MARCHF11: variants seen among roughly 807,000 people sequenced by gnomAD.
MARCHF11 encodes E3 ubiquitin-protein ligase MARCHF11.
In MARCHF11, 29 loss-of-function variants were observed where a neutral mutation model predicts 37.3. The ratio of observed to expected loss-of-function variants is 0.78; its 90% confidence interval spans 0.58 to 1.06. MARCHF11 has a LOEUF of 1.06. MARCHF11 is among the 50% of genes least tolerant of loss of function. MARCHF11 has a pLI of 0.00. For missense variants in MARCHF11, 482 were observed against 533.4 expected, an observed-to-expected ratio of 0.90 and a Z score of 0.95; for synonymous variants, 233 against 228.0, an observed-to-expected ratio of 1.02 and a Z score of -0.20.
chr5:16,177,899 C>T lies in MARCHF11; in HGVS notation c.538-18G>A, dbSNP rs1738390318. Reference sequence around the variant, plus strand: ...AACTCACCCTAAAAAGAAAACAGCTCAGTGTGAATATCTGTGTCTGTGTCT... The same window carrying T: ...AACTCACCCTAAAAAGAAAACAGCTTAGTGTGAATATCTGTGTCTGTGTCT... On this transcript the variant is annotated intron_variant, in intron 1 of 3. Transcript: ENST00000332432. 3.8e-6 allele frequency: 6 copies of T among 1,598,830 alleles called. No homozygotes were observed. The East Asian group carries it at 1.3e-4, about 36-fold the overall frequency.
At chr5:16,072,584 G>T (rs554673089) in intron 3 of MARCHF11, among the ~76,000 whole-genome samples, 1 of 151,980 alleles carries the variant, frequency 6.6e-6, no homozygotes, top group East Asian at 1.9e-4. Context: ...GGACATAACA[G>T]GGAGATGGCA....
Position 16,179,104 on chromosome 5 carries a change from G to A in MARCHF11, c.472C>T (p.Arg158Cys), listed in dbSNP as rs1162957833. 4.0e-6 allele frequency: 6 copies of A among 1,493,746 alleles called. No homozygotes were observed. The highest frequency in any genetic ancestry group is 5.8e-5 in the East Asian group (2 of 34,684). 92.5% of individuals were successfully genotyped at this position (1,493,746 alleles called of 1,614,324 possible). A position where few individuals can be genotyped will look rare whatever the true frequency, so the allele number is the denominator to read the frequency against. Residue 158 changes from arginine (R) to cysteine (C), a missense_variant, in exon 1 of 4, where the codon CGC becomes TGC. Coordinates refer to ENST00000332432, the MANE Select transcript of MARCHF11 (RefSeq NM_001102562.3). ...RSSSSGGGDQ[R>C]AGHQHQHHQP... ...TGGTGCTGGTGCTGGTGCCCAGCGC[G>A]CTGGTCGCCGCCGCCACTGCTGCTG...
intron 3 of MARCHF11, among the ~76,000 whole-genome samples, chr5:16,077,042 G>A (rs1442631291): frequency 1.3e-5 from 2 of 152,188 alleles, no homozygotes; most frequent in Admixed American, 6.5e-5. Flanking sequence ...GATATAGGAG[G>A]ATTACGGCAA....
intron 2 of MARCHF11, among the ~76,000 whole-genome samples, chr5:16,101,922 AT>A (rs1186828436): frequency 2.0e-5 from 3 of 152,226 alleles, no homozygotes; most frequent in Non-Finnish European, 4.4e-5. Flanking sequence ...TAGCCCTTGC[AT>A]GAAATTTATG....
chr5:16,082,072 C>T lies in MARCHF11; in HGVS notation c.886+8817G>A, dbSNP rs373386770. Among the ~76,000 whole-genome samples, 49 of 152,282 alleles carry T rather than the reference C, an allele frequency of 3.2e-4. 1 individual carries two copies. The South Asian group carries it at 1.0e-2, about 31-fold the overall frequency. On this transcript the variant is annotated intron_variant, in intron 3 of 3. Transcript: ENST00000332432. Reference sequence around the variant, plus strand: ...TCCAGAGAAGAGAAAAAAATAATGGCCTACTTCTCAAAGCATATAAAGGAT... The same window carrying T: ...TCCAGAGAAGAGAAAAAAATAATGGTCTACTTCTCAAAGCATATAAAGGAT...
At chr5:16,073,964 A>G (rs1173887073) in intron 3 of MARCHF11, among the ~76,000 whole-genome samples, 1 of 152,226 alleles carries the variant, frequency 6.6e-6, no homozygotes, top group Admixed American at 6.5e-5. Context: ...TCATCAGCAC[A>G]TGAAACATTC....
rs568517548 is a variant in MARCHF11, at chr5:16,082,043, T to C, written c.886+8846A>G. Among the ~76,000 whole-genome samples, 7 of 152,110 alleles carry C rather than the reference T, an allele frequency of 4.6e-5. No homozygotes were observed. In the South Asian group the frequency reaches 1.0e-3, roughly 23 times the overall value. ...AAGGCATAGAAAAGCCCATAATTTG[T>C]ACCTCCAGAGAAGAGAAAAAAATAA... On this transcript the variant is annotated intron_variant, in intron 3 of 3. Transcript: ENST00000332432.
rs766952233 is a variant in MARCHF11, at chr5:16,179,259, G to A, written c.317C>T (p.Pro106Leu). ...VAAAGDSGEG[P>L]RRLPEAAAAK... ...TGCTGCCGCCTCCGGGAGGCGCCTCGGACCTTCCCCGGAGTCGCCGGCCGC... is the reference window on the plus strand; with the variant it reads ...TGCTGCCGCCTCCGGGAGGCGCCTCAGACCTTCCCCGGAGTCGCCGGCCGC... Residue 106 changes from proline (P) to leucine (L), a missense_variant, in exon 1 of 4, where the codon CCG (proline) becomes CTG (leucine). Coordinates refer to ENST00000332432, the MANE Select transcript of MARCHF11 (RefSeq NM_001102562.3). 44 of 1,333,460 alleles carry A rather than the reference G, an allele frequency of 3.3e-5. No homozygotes were observed. In the South Asian group the frequency reaches 7.6e-4, roughly 23 times the overall value. 82.6% of individuals were successfully genotyped at this position (1,333,460 alleles called of 1,614,324 possible). A position where few individuals can be genotyped will look rare whatever the true frequency, so the allele number is the denominator to read the frequency against.
At chr5:16,071,854 C>G (rs1050976016) in intron 3 of MARCHF11, among the ~76,000 whole-genome samples, 5 of 152,152 alleles carry the variant, frequency 3.3e-5, no homozygotes, top group African/African-American at 9.7e-5. Flanking sequence ...GTATCAAGAA[C>G]CTATTCTGTG....
At chr5:16,070,819 G>A (rs967934098) in intron 3 of MARCHF11, among the ~76,000 whole-genome samples, 4 of 152,160 alleles carry the variant, frequency 2.6e-5, no homozygotes, top group South Asian at 2.1e-4. Flanking sequence ...GGTTATGAAC[G>A]ATGTTTAGAT....
intron 2 of MARCHF11, among the ~76,000 whole-genome samples, chr5:16,168,314 A>G (rs1217969021): frequency 1.3e-5 from 2 of 152,056 alleles, no homozygotes; most frequent in South Asian, 2.1e-4. Context: ...AATTTTTCCA[A>G]TATCAAAGCG....
intron 2 of MARCHF11, among the ~76,000 whole-genome samples, chr5:16,164,705 CAT>C (rs767555526): frequency 1.1e-4 from 16 of 152,198 alleles, no homozygotes; most frequent in Middle Eastern, 3.4e-3. Flanking sequence ...TTAAAGTCCA[CAT>C]GTTTTTGCCA....
intron 2 of MARCHF11, among the ~76,000 whole-genome samples, chr5:16,124,337 C>T (rs1454204220): frequency 2.0e-5 from 3 of 152,076 alleles, no homozygotes; most frequent in East Asian, 1.9e-4. Context: ...ACTGGATGAC[C>T]GGGATTGTTG....
intron 2 of MARCHF11, among the ~76,000 whole-genome samples, chr5:16,108,467 G>A (rs1047794997): frequency 1.7e-4 from 26 of 152,346 alleles, no homozygotes; most frequent in Admixed American, 1.0e-3. Flanking sequence ...ATAGGAAAGC[G>A]AGGGCAGGTA....
At chr5:16,096,044 C>G (rs1026275316) in intron 2 of MARCHF11, among the ~76,000 whole-genome samples, 14 of 152,210 alleles carry the variant, frequency 9.2e-5, no homozygotes, top group African/African-American at 3.4e-4. Flanking sequence ...AGTGAGAACT[C>G]AGATCTGTCT....
intron 2 of MARCHF11, among the ~76,000 whole-genome samples, chr5:16,166,530 C>G (rs1738170916): frequency 6.6e-6 from 1 of 151,712 alleles, no homozygotes; most frequent in Non-Finnish European, 1.5e-5. Flanking sequence ...TAAACCATTT[C>G]TATCAACACA....
chr5:16,169,378 C>CT (rs1738221043), intron 2 of MARCHF11, among the ~76,000 whole-genome samples: 1 of 152,024 alleles, frequency 6.6e-6, no homozygotes, highest in Non-Finnish European at 1.5e-5. Flanking sequence ...CAATGGAACT[C>CT]TATCGTTATA....
At chr5:16,178,275 T>G (rs2126614093) in intron 1 of MARCHF11, among the ~76,000 whole-genome samples, 1 of 152,338 alleles carries the variant, frequency 6.6e-6, no homozygotes, top group Admixed American at 6.5e-5. Flanking sequence ...TATGCTTTTT[T>G]TTCTAAATGT....
chr5:16,094,832 C>T (rs1189488119), intron 2 of MARCHF11, among the ~76,000 whole-genome samples: 3 of 151,968 alleles, frequency 2.0e-5, no homozygotes, highest in Non-Finnish European at 4.4e-5. Flanking sequence ...ATAATTATAG[C>T]TTCTATTTGT....
Sources: allele counts gnomAD v4.1 joint callset (sites outside exome capture counted in the v4.1 genomes callset), GRCh38; gene constraint gnomAD v4.1.1; transcripts MANE v1.5; gene names NCBI Gene and HGNC (gene_info 2026-07-23, HGNC 2026-07-21).